The following DPP10 variants were observed in gnomAD, a reference collection of about 807,000 sequenced individuals.
DPP10 encodes inactive dipeptidyl peptidase 10.
A neutral mutation model predicts 120.9 loss-of-function variants in DPP10; 33 were observed. That is an observed-to-expected ratio of 0.27 (90% CI 0.21 to 0.37). The LOEUF (loss-of-function observed/expected upper bound fraction) is 0.37. Among genes scored for constraint, DPP10 ranks in the 10% least tolerant of loss-of-function variants. The pLI, the probability that DPP10 is intolerant of heterozygous loss-of-function variation, is 1.00. For synonymous variants in DPP10, 337 were observed against 326.1 expected, an observed-to-expected ratio of 1.03 and a Z score of -0.36; for missense variants, 816 against 942.8, an observed-to-expected ratio of 0.87 and a Z score of 1.76.
At chr2:115,273,855 G>T (rs72839290) in intron 1 of DPP10, among the ~76,000 whole-genome samples, 1 of 152,228 alleles carries the variant, frequency 6.6e-6, no homozygotes, top group Non-Finnish European at 1.5e-5. Context: ...AACTGTTTTG[G>T]GTAGAACGCT....
At chr2:114,757,018 C>G (rs1574116292) in intron 1 of DPP10, among the ~76,000 whole-genome samples, 1 of 150,068 alleles carries the variant, frequency 6.7e-6, no homozygotes, top group East Asian at 2.0e-4. Context: ...CACAACATAT[C>G]AAGTCTTGAA....
intron 1 of DPP10, among the ~76,000 whole-genome samples, chr2:114,878,163 C>A (rs1691308872): frequency 6.6e-6 from 1 of 152,050 alleles, no homozygotes; most frequent in Non-Finnish European, 1.5e-5. Flanking sequence ...TTTAGTCAAA[C>A]ATTTGCCAAG....
chr2:115,193,875 G>A (rs2055060201), intron 1 of DPP10, among the ~76,000 whole-genome samples: 2 of 152,116 alleles, frequency 1.3e-5, no homozygotes, highest in Admixed American at 6.5e-5. Context: ...GTCCTGAAGG[G>A]AGTTTCTCCT....
At chr2:115,484,613 T>C (rs1397711947) in intron 3 of DPP10, among the ~76,000 whole-genome samples, 1 of 152,088 alleles carries the variant, frequency 6.6e-6, no homozygotes, top group Non-Finnish European at 1.5e-5. Context: ...TTCCATATGC[T>C]ATAGTCATTT....
chr2:115,273,317 C>T (rs2059777161), intron 1 of DPP10, among the ~76,000 whole-genome samples: 2 of 151,952 alleles, frequency 1.3e-5, no homozygotes, highest in Admixed American at 1.3e-4. Flanking sequence ...TTCAGAGTTT[C>T]TTGAGACAGC....
intron 7 of DPP10, among the ~76,000 whole-genome samples, chr2:115,713,251 G>A (rs1345746858): frequency 4.6e-5 from 7 of 152,176 alleles, no homozygotes; most frequent in African/African-American, 1.7e-4. Context: ...GGAAGACCTA[G>A]ACGTCAGTTA....
At chr2:115,468,242 C>A in intron 3 of DPP10, 2 of 505,632 alleles carry the variant, frequency 4.0e-6, no homozygotes, top group East Asian at 5.6e-5. Flanking sequence ...GCTGACCGCT[C>A]GTGTCATTGT....
chr2:114,448,440 A>G (rs1430483436), intron 1 of DPP10, among the ~76,000 whole-genome samples: 1 of 152,214 alleles, frequency 6.6e-6, no homozygotes, highest in Admixed American at 6.5e-5. Flanking sequence ...TTATGGGTCT[A>G]CAAATGAAGC....
chr2:114,885,842 C>G (rs548946433), intron 1 of DPP10, among the ~76,000 whole-genome samples: 1 of 152,194 alleles, frequency 6.6e-6, no homozygotes, highest in Non-Finnish European at 1.5e-5. Flanking sequence ...CTTCCACTTG[C>G]TATTTGTGTC....
intron 8 of DPP10, among the ~76,000 whole-genome samples, chr2:115,738,313 T>G (rs1227404961): frequency 6.6e-6 from 1 of 152,186 alleles, no homozygotes. Flanking sequence ...GCATGGGCAT[T>G]CCTGATTTCA....
chr2:115,064,722 T>C, intron 1 of DPP10: 1 of 1,302,986 alleles, frequency 7.7e-7, no homozygotes, highest in South Asian at 1.2e-5. Context: ...GAGGGTGAGG[T>C]TGCATTTGTA....
chr2:114,702,142 G>A (rs915681826), intron 1 of DPP10, among the ~76,000 whole-genome samples: 3 of 152,082 alleles, frequency 2.0e-5, no homozygotes, highest in Non-Finnish European at 2.9e-5. Context: ...ATGAGGGAAG[G>A]TGGGGCCATG....
At chr2:114,497,241 A>G (rs12623298) in intron 1 of DPP10, among the ~76,000 whole-genome samples, 97,140 of 144,428 alleles carry the variant, frequency 0.67, 33,009 homozygotes, top group East Asian at 0.71. Context: ...GTGCGTATAC[A>G]TGTGTATGCA....
At chr2:115,647,242 G>T (rs896497520) in intron 5 of DPP10, among the ~76,000 whole-genome samples, 1 of 152,122 alleles carries the variant, frequency 6.6e-6, no homozygotes, top group Non-Finnish European at 1.5e-5. Context: ...ATCAAGTGCC[G>T]CTCTATACAT....
chr2:115,105,783 A>G (rs1354071846), intron 1 of DPP10, among the ~76,000 whole-genome samples: 2 of 152,216 alleles, frequency 1.3e-5, no homozygotes, highest in East Asian at 1.9e-4. Flanking sequence ...CAAAATATGT[A>G]TTGAAGCTAA....
intron 1 of DPP10, among the ~76,000 whole-genome samples, chr2:115,087,533 C>CTTTTTTTTTTTTTTTTTT (rs1310507943): frequency 6.5e-5 from 6 of 92,610 alleles, no homozygotes; most frequent in East Asian, 2.8e-4. Flanking sequence ...CTTTTCTTTT[C>CTTTTTTTTTTTTTTTTTT]TTTTCTTTTT....
At chr2:114,443,084 A>T (rs566994803) in intron 1 of DPP10, among the ~76,000 whole-genome samples, 115 of 151,982 alleles carry the variant, frequency 7.6e-4, no homozygotes, top group African/African-American at 2.8e-3. Context: ...TATCAGAGGT[A>T]TATTTCCAGA....
chr2:115,490,218 T>A (rs2076028176), intron 3 of DPP10, among the ~76,000 whole-genome samples: 1 of 152,134 alleles, frequency 6.6e-6, no homozygotes, highest in South Asian at 2.1e-4. Flanking sequence ...TGACTCACAG[T>A]TCTGCATGGC....
At chr2:114,800,693 A>G (rs1684118879) in intron 1 of DPP10, among the ~76,000 whole-genome samples, 1 of 152,206 alleles carries the variant, frequency 6.6e-6, no homozygotes, top group Non-Finnish European at 1.5e-5. Context: ...TTAGAGGTAC[A>G]TATTGCTTCT....
Sources: gnomAD v4.1 joint callset for allele counts (sites outside exome capture counted in the v4.1 genomes callset) on GRCh38, gnomAD v4.1.1 for gene constraint, MANE v1.5 for transcripts, NCBI Gene and HGNC (gene_info 2026-07-23, HGNC 2026-07-21) for gene names.